The following RALGAPA2 variants were observed in gnomAD, a reference collection of about 807,000 sequenced individuals.
The protein encoded by RALGAPA2 is Ral GTPase activating protein catalytic subunit alpha 2, also known as ral GTPase-activating protein subunit alpha-2.
A neutral mutation model predicts 230.4 loss-of-function variants in RALGAPA2; 139 were observed. That is an observed-to-expected ratio of 0.60 (90% CI 0.53 to 0.69). RALGAPA2 has a LOEUF of 0.69. Among genes scored for constraint, RALGAPA2 ranks in the 30% least tolerant of loss-of-function variants. RALGAPA2 has a pLI of 0.00. For missense variants in RALGAPA2, 2,163 were observed against 2,276.0 expected (o/e 0.95, Z 1.01); for synonymous variants, 847 against 837.8 (o/e 1.01, Z -0.19).
intron 31 of RALGAPA2, among the ~76,000 whole-genome samples, chr20:20,515,219 T>C (rs760195304): frequency 3.3e-5 from 5 of 152,170 alleles, no homozygotes; most frequent in South Asian, 2.1e-4. Context: ...ATAAACACCA[T>C]CTACTGGCTT....
At chr20:20,653,641 A>G in intron 3 of RALGAPA2, 54 bp from the exon 4 acceptor site, 2 of 1,083,622 alleles carry the variant, frequency 1.8e-6, no homozygotes, top group Non-Finnish European at 2.7e-6. Context: ...ACACATTTTC[A>G]TGACAGGCCC....
chr20:20,571,865 C>T lies in RALGAPA2; in HGVS notation c.2983G>A (p.Ala995Thr). 1.9e-6 allele frequency: 3 copies of T among 1,610,266 alleles called. No individual in the cohort carries two copies. Among genetic ancestry groups the T allele is most frequent in the Non-Finnish European group, 2.5e-6 (3 of 1,177,584 alleles). The change falls in exon 22 of 40, where the codon GCA (alanine) becomes ACA (threonine). Residue 995 changes from alanine (A) to threonine (T), a missense_variant. Coordinates refer to ENST00000202677, the MANE Select transcript of RALGAPA2 (RefSeq NM_020343.4). ...CCACTTGCCTTAAACAGCCATGATG[C>T]AAACATTCTGAGTGGTGGGATCAAA... ...PVLIPPLRMF[A>T]SWLFKAATLP...
rs529083376 is a variant in RALGAPA2 at position 20,664,162 on chromosome 20, T to C, written c.271-10575A>G. On this transcript the variant is annotated intron_variant, in intron 3 of 39. Coordinates refer to ENST00000202677, the MANE Select transcript of RALGAPA2 (RefSeq NM_020343.4). Reference sequence around the variant, plus strand: ...TCCATTTAATGTTTTTGGACCCTGGTTGACCACGAGTAACCAAAACCTCAG... The same window carrying C: ...TCCATTTAATGTTTTTGGACCCTGGCTGACCACGAGTAACCAAAACCTCAG... 1.1e-4 allele frequency among the ~76,000 whole-genome samples: 16 copies of C among 152,346 alleles called. 1 individual carries two copies. The East Asian group carries it at 3.1e-3, about 29-fold the overall frequency.
intron 38 of RALGAPA2, among the ~76,000 whole-genome samples, chr20:20,411,822 A>G (rs2060066405): frequency 6.6e-6 from 1 of 152,244 alleles, no homozygotes; most frequent in Non-Finnish European, 1.5e-5. Flanking sequence ...GGTTAACAGG[A>G]TAGCTGAAGA....
intron 39 of RALGAPA2, 41 bp downstream of exon 39, chr20:20,396,654 A>G (rs1011625713): frequency 1.3e-6 from 2 of 1,566,328 alleles, no homozygotes; most frequent in African/African-American, 2.7e-5. Context: ...CCCTCCCCAA[A>G]GCAGGGTGGC....
intron 38 of RALGAPA2, among the ~76,000 whole-genome samples, chr20:20,404,159 A>C (rs2059902905): frequency 1.3e-5 from 2 of 152,118 alleles, no homozygotes; most frequent in African/African-American, 4.8e-5. Flanking sequence ...TGATGCTACT[A>C]GGTTTCTTGT....
At chr20:20,619,440 A>T (rs374401246) in intron 11 of RALGAPA2, 26 bp from the exon 12 acceptor site, 6 of 1,514,214 alleles carry the variant, frequency 4.0e-6, no homozygotes, top group Non-Finnish European at 5.3e-6. Flanking sequence ...ATCCATTAAC[A>T]GAGTGGAAGA....
At chr20:20,657,985 CA>C (rs1215161699) in intron 3 of RALGAPA2, among the ~76,000 whole-genome samples, 2 of 152,126 alleles carry the variant, frequency 1.3e-5, no homozygotes, top group African/African-American at 2.4e-5. Context: ...TAGCACACAA[CA>C]AAGAAAAACA....
chr20:20,466,636 T>G (rs532295010), intron 37 of RALGAPA2, among the ~76,000 whole-genome samples: 1 of 152,300 alleles, frequency 6.6e-6, no homozygotes, highest in East Asian at 1.9e-4. Context: ...TCCCTGAGGC[T>G]GCAGGAGCAC....
At chr20:20,404,923 T>C (rs2122707459) in intron 38 of RALGAPA2, among the ~76,000 whole-genome samples, 1 of 152,338 alleles carries the variant, frequency 6.6e-6, no homozygotes, top group East Asian at 1.9e-4. Context: ...TGGGAACCTA[T>C]GAATACTCCC....
chr20:20,645,490 A>G (rs2067184239), intron 4 of RALGAPA2, among the ~76,000 whole-genome samples: 1 of 152,166 alleles, frequency 6.6e-6, no homozygotes, highest in Non-Finnish European at 1.5e-5. Context: ...GAGGAGAAAA[A>G]TACATATAGA....
chr20:20,695,642 T>C (rs1416527628), intron 1 of RALGAPA2, among the ~76,000 whole-genome samples: 4 of 152,192 alleles, frequency 2.6e-5, no homozygotes, highest in African/African-American at 4.8e-5. Context: ...CAAATGATTG[T>C]CCTCCTGTAT....
intron 31 of RALGAPA2, among the ~76,000 whole-genome samples, chr20:20,513,678 A>G (rs1475848235): frequency 6.6e-6 from 1 of 152,102 alleles, no homozygotes; most frequent in East Asian, 1.9e-4. Context: ...GTTTCTCTCA[A>G]GCCCCAGAGC....
intron 37 of RALGAPA2, among the ~76,000 whole-genome samples, chr20:20,449,618 C>G (rs1050900794): frequency 6.6e-6 from 1 of 152,156 alleles, no homozygotes; most frequent in African/African-American, 2.4e-5. Context: ...TAATTCTTCA[C>G]TTTTTCAGCT....
intron 3 of RALGAPA2, among the ~76,000 whole-genome samples, chr20:20,667,483 G>A (rs943913563): frequency 1.3e-5 from 2 of 152,210 alleles, no homozygotes; most frequent in Non-Finnish European, 2.9e-5. Context: ...AAGGGAGTCA[G>A]TACATATAGG....
chr20:20,694,278 A>G (rs779171746), intron 1 of RALGAPA2, among the ~76,000 whole-genome samples: 1 of 152,198 alleles, frequency 6.6e-6, no homozygotes, highest in Admixed American at 6.5e-5. Flanking sequence ...TTAAATACAA[A>G]AGTACACCCA....
In RALGAPA2 at chr20:20,524,025, C is replaced by T. The variant is rs551901595; in HGVS notation, c.3900+381G>A. Reference sequence around the variant, plus strand: ...AGGTTGGAGTGCAGTGGCGAGATCTCGGCTCACTGCAAACTCTGCCTCCCA... The same window carrying T: ...AGGTTGGAGTGCAGTGGCGAGATCTTGGCTCACTGCAAACTCTGCCTCCCA... On this transcript the variant is annotated intron_variant, in intron 30 of 39. Coordinates refer to ENST00000202677, the MANE Select transcript of RALGAPA2 (RefSeq NM_020343.4). Among the ~76,000 whole-genome samples, 14 of 152,120 alleles carry T rather than the reference C, an allele frequency of 9.2e-5. No individual in the cohort carries two copies. In the South Asian group the frequency reaches 2.5e-3, roughly 27 times the overall value.
At chr20:20,688,405 C>G (rs1456669027) in intron 1 of RALGAPA2, among the ~76,000 whole-genome samples, 1 of 152,160 alleles carries the variant, frequency 6.6e-6, no homozygotes, top group Non-Finnish European at 1.5e-5. Context: ...AAACTTAATG[C>G]ATCAGACAAA....
At chr20:20,570,893 T>C (rs868234762) in intron 23 of RALGAPA2, among the ~76,000 whole-genome samples, 19 of 152,304 alleles carry the variant, frequency 1.2e-4, no homozygotes, top group African/African-American at 4.3e-4. Flanking sequence ...GGCCACACCC[T>C]ATCTCCCAAA....
Sources: allele counts gnomAD v4.1 joint callset (sites outside exome capture counted in the v4.1 genomes callset), GRCh38; gene constraint gnomAD v4.1.1; transcripts MANE v1.5; gene names NCBI Gene and HGNC (gene_info 2026-07-23, HGNC 2026-07-21).